RBBP8NL: variants seen among roughly 807,000 people sequenced by gnomAD.
RBBP8NL encodes the protein RBBP8 N-terminal like.
A neutral mutation model predicts 62.2 loss-of-function variants in RBBP8NL; 59 were observed. The ratio of observed to expected loss-of-function variants is 0.95; its 90% CI spans 0.77 to 1.18. The LOEUF (loss-of-function observed/expected upper bound fraction) is 1.18, where lower values mean the gene tolerates loss of function less well. Ranked by LOEUF, RBBP8NL falls within the 50% of genes most tolerant of loss-of-function variation. The pLI is 0.00. For synonymous variants in RBBP8NL, 412 were observed against 394.1 expected (o/e 1.05, Z -0.54); for missense variants, 896 against 899.5 (o/e 1.00, Z 0.05).
intron 1 of RBBP8NL, among the ~76,000 whole-genome samples, chr20:62,425,497 G>A (rs761272595): frequency 5.4e-4 from 82 of 152,222 alleles, no homozygotes; most frequent in Non-Finnish European, 4.4e-4. Context: ...GGAATCACAG[G>A]CCCAGCTGTG....
In RBBP8NL at chr20:62,414,350, G is replaced by C. The variant is rs777135630; in HGVS notation, c.1001C>G (p.Thr334Arg). The change falls in exon 10 of 14, where the codon ACA (threonine) becomes AGA (arginine). Residue 334 changes from threonine (T) to arginine (R), a missense_variant. Thr to Arg is a moderately conservative substitution (Grantham distance 71, BLOSUM62 -1). Coordinates refer to ENST00000252998, the MANE Select transcript of RBBP8NL (RefSeq NM_080833.3). The part of the protein sequence containing the change: ...AREAEAWEEP[T>R]ELLGLPSALA... ...GGCACTGGGCAGCCCCAGCAGTTCTGTGGGCTCCTCCCAGGCCTCTGCTTC... is the reference window on the plus strand; with the variant it reads ...GGCACTGGGCAGCCCCAGCAGTTCTCTGGGCTCCTCCCAGGCCTCTGCTTC... 6.4e-7 allele frequency: 1 copy of C among 1,555,388 alleles called. No homozygotes were observed.
At chr20:62,412,529 C>A in intron 13 of RBBP8NL, 95 bp downstream of exon 13, 1 of 1,477,738 alleles carries the variant, frequency 6.8e-7, no homozygotes, top group South Asian at 1.2e-5. Flanking sequence ...GGCTGCCATT[C>A]TCCAGGCAGC....
intron 2 of RBBP8NL, 75 bp downstream of exon 2, chr20:62,419,512 A>C: frequency 6.8e-7 from 1 of 1,480,392 alleles, no homozygotes; most frequent in Non-Finnish European, 9.4e-7. Context: ...ATGGGTGCAC[A>C]GTGGCCTGCT....
rs749848235 is a variant in RBBP8NL, at chr20:62,415,899, AG to A, written c.432del (p.Ser145HisfsTer65). ...PRAKEGTSDPPSPLLLPSPGG... is the reference protein window; with the variant it reads ...PRAKEGTSDPXSPLLLPSPGG... ...CCAGGGGAGGGGAGCAGCAGGGGTGAGGGGGGGTCCGAGGTGCCCTCCTTGG... is the reference window on the plus strand; with the variant it reads ...CCAGGGGAGGGGAGCAGCAGGGGTGAGGGGGGTCCGAGGTGCCCTCCTTGG... On this transcript the variant is annotated frameshift_variant, in exon 7 of 14. Transcript: ENST00000252998. LOFTEE classifies it high-confidence loss of function. 10 of 1,594,212 alleles carry A rather than the reference AG, an allele frequency of 6.3e-6. No individual in the cohort carries two copies. Among genetic ancestry groups the A allele is most frequent in the Admixed American group, 3.4e-5 (2 of 58,600 alleles).
intron 13 of RBBP8NL, 71 bp downstream of exon 13, chr20:62,412,553 G>A (rs1988456206): frequency 6.5e-7 from 1 of 1,549,174 alleles, no homozygotes; most frequent in Non-Finnish European, 8.7e-7. Context: ...GAGGAGAGGT[G>A]GCACTGGGGA....
In RBBP8NL at chr20:62,424,334, C is replaced by T. The variant is rs543523505; in HGVS notation, c.-84+3126G>A. 4.6e-5 allele frequency among the ~76,000 whole-genome samples: 7 copies of T among 152,164 alleles called. No individual in the cohort carries two copies. In the East Asian group the frequency reaches 1.2e-3, roughly 25 times the overall value. ...GTGAGGGGCGCATGTCTGTCCCCCTCGACACCACTCTCACCCCACCATGCC... is the reference window on the plus strand; with the variant it reads ...GTGAGGGGCGCATGTCTGTCCCCCTTGACACCACTCTCACCCCACCATGCC... On this transcript the variant is annotated intron_variant, in intron 1 of 13. Transcript: ENST00000252998.
chr20:62,417,216 A>G lies in RBBP8NL; in HGVS notation c.200+8T>C. 2 of 1,590,554 alleles carry G rather than the reference A, an allele frequency of 1.3e-6. No homozygotes were observed. Among genetic ancestry groups the G allele is most frequent in the Non-Finnish European group, 8.6e-7 (1 of 1,167,066 alleles). On this transcript the variant is annotated splice_region_variant and intron_variant, in intron 4 of 13. Coordinates refer to ENST00000252998, the MANE Select transcript of RBBP8NL (RefSeq NM_080833.3). ...TGGCCATGCTGCGAGGTGTCCTCCC[A>G]GGCCCACCTGTTCTCCAGCACCCGC...
chr20:62,419,031 C>T (rs879737653), intron 2 of RBBP8NL, among the ~76,000 whole-genome samples: 3 of 151,986 alleles, frequency 2.0e-5, no homozygotes, highest in Non-Finnish European at 2.9e-5. Flanking sequence ...GTGGGGGCTG[C>T]GGCCCTGTCC....
intron 3 of RBBP8NL, among the ~76,000 whole-genome samples, chr20:62,418,200 G>C (rs1226575563): frequency 6.6e-6 from 1 of 152,182 alleles, no homozygotes; most frequent in African/African-American, 2.4e-5. Flanking sequence ...CGAGTAGGGG[G>C]CTTGCCCCGC....
At position 62,412,692 on chromosome 20, in the gene RBBP8NL, A is replaced by G. The variant is rs370424067; in HGVS notation, c.1808T>C (p.Ile603Thr). The G allele has an allele frequency of 1.6e-5, 26 of 1,609,142 alleles. No homozygotes were observed. Among genetic ancestry groups the G allele is most frequent in the Non-Finnish European group, 1.9e-5 (22 of 1,179,814 alleles). ...TSTTGEGPEC[I>T]CTQEHGQGPP... ...ACCCTGCCCGTGCTCCTGGGTGCAG[A>G]TGCACTCAGGCCCCTCCCCGGTCGT... Residue 603 changes from isoleucine to threonine, a missense_variant, in exon 13 of 14, where the codon ATC (isoleucine) becomes ACC (threonine). Ile to Thr is a moderately conservative substitution (Grantham distance 89). Transcript: ENST00000252998.
chr20:62,412,832 C>G lies in RBBP8NL; in HGVS notation c.1744G>C (p.Glu582Gln). The stretch of plus-strand genomic sequence containing the variant: ...CTGAGTGTGTGGCCTGGACCCACCT[C>G]GCTGCCTGGGGTGTCTGTCTCATCC... ...ELDETDTPGS[E>Q]VGLSSQAEAT... The change falls in exon 12 of 14, where the codon GAG (glutamate) becomes CAG (glutamine). Residue 582 changes from glutamate to glutamine, a missense_variant and splice_region_variant. Coordinates refer to ENST00000252998, the MANE Select transcript of RBBP8NL (RefSeq NM_080833.3). 1 of 1,613,464 alleles carries G rather than the reference C, an allele frequency of 6.2e-7. No homozygotes were observed.
chr20:62,421,513 A>T, intron 1 of RBBP8NL, among the ~76,000 whole-genome samples: 1 of 125,158 alleles, frequency 8.0e-6, no homozygotes, highest in Admixed American at 8.5e-5. Context: ...TGTGTGTGAT[A>T]GCCAGTGTGC....
intron 1 of RBBP8NL, among the ~76,000 whole-genome samples, chr20:62,420,264 C>T (rs73319071): frequency 0.022 from 3,324 of 152,168 alleles, 109 homozygotes; most frequent in African/African-American, 0.07. Context: ...GCACCTCCTT[C>T]CCTCTCACCA....
intron 13 of RBBP8NL, among the ~76,000 whole-genome samples, chr20:62,411,721 C>A (rs984578593): frequency 3.3e-5 from 5 of 152,244 alleles, no homozygotes; most frequent in Non-Finnish European, 7.3e-5. Flanking sequence ...CCCCTGCCAG[C>A]GTCCCTGGTC....
chr20:62,417,142 A>T, intron 4 of RBBP8NL, 82 bp downstream of exon 4: 1 of 1,070,464 alleles, frequency 9.3e-7, no homozygotes, highest in Non-Finnish European at 1.4e-6. Context: ...TCCCAAACTC[A>T]TTCTCCGAGG....
intron 10 of RBBP8NL, 42 bp downstream of exon 10, chr20:62,413,778 TG>T: frequency 1.3e-6 from 2 of 1,538,328 alleles, no homozygotes; most frequent in Non-Finnish European, 8.7e-7. Context: ...GTGGGGGACG[TG>T]GAGGCTGAGG....
chr20:62,415,927 C>G lies in RBBP8NL; in HGVS notation c.405G>C (p.Arg135=). The G allele has an allele frequency of 6.4e-7, 1 of 1,552,210 alleles. No individual in the cohort carries two copies. The highest frequency in any genetic ancestry group is 2.0e-4 in the Middle Eastern group (1 of 4,908). ...LRGLGDRPKP[R]AKEGTSDPPS... ...GGGGGTCCGAGGTGCCCTCCTTGGC[C>G]CGGGGCTTGGGCCTGTCTCTAGAGG... The change falls in exon 7 of 14, where the codon CGG becomes CGC. Residue 135 remains arginine (R), a synonymous_variant. Transcript: ENST00000252998.
At chr20:62,412,591 C>T in intron 13 of RBBP8NL, 33 bp downstream of exon 13, 2 of 1,596,606 alleles carry the variant, frequency 1.3e-6, no homozygotes, top group Admixed American at 1.7e-5. Context: ...TCCCCTCGCC[C>T]CCTTCCCTGC....
chr20:62,414,248 GC>G lies in RBBP8NL; in HGVS notation c.1102del (p.Ala368ProfsTer71). ...LLAQQQLRAR[A>X]RAGSVRPRGQ... is the part of the protein sequence containing the mutation. ...CCTTGGCCTGACACTGCCTGCCCTGGCCCTAGCCCGCAGCTGCTGCTGGGCC... is the reference window on the plus strand; with the variant it reads ...CCTTGGCCTGACACTGCCTGCCCTGGCCTAGCCCGCAGCTGCTGCTGGGCC... On this transcript the variant is annotated frameshift_variant, in exon 10 of 14. Transcript: ENST00000252998. LOFTEE classifies it high-confidence loss of function. The G allele has an allele frequency of 6.3e-7, 1 of 1,595,084 alleles. No homozygotes were observed. The highest frequency in any genetic ancestry group is 1.1e-5 in the South Asian group (1 of 88,662).
Sources: allele counts gnomAD v4.1 joint callset (sites outside exome capture counted in the v4.1 genomes callset), GRCh38; gene constraint gnomAD v4.1.1; transcripts MANE v1.5; gene names NCBI Gene and HGNC (gene_info 2026-07-23, HGNC 2026-07-21).